SNX22: variants seen among roughly 807,000 people sequenced by gnomAD.
SNX22 encodes sorting nexin-22.
SNX22 carries 23 observed loss-of-function variants against 24.7 expected under a neutral mutation model. That is an observed-to-expected ratio of 0.93 (90% CI 0.67 to 1.32). The LOEUF (loss-of-function observed/expected upper bound fraction) is 1.32. Ranked by LOEUF, SNX22 falls within the 40% of genes most tolerant of loss-of-function variation. SNX22 has a pLI of 0.00. For synonymous variants in SNX22, 99 were observed against 104.0 expected, an observed-to-expected ratio of 0.95 and a Z score of 0.29; for missense variants, 261 against 249.9, an observed-to-expected ratio of 1.04 and a Z score of -0.30.
Position 64,154,386 on chromosome 15 carries a change from G to C in SNX22, c.461-1G>C. 1 of 1,614,156 alleles carries C rather than the reference G, an allele frequency of 6.2e-7. No homozygotes were observed. Among genetic ancestry groups the C allele is most frequent in the Non-Finnish European group, 8.5e-7 (1 of 1,180,030 alleles). On this transcript the variant is annotated splice_acceptor_variant, in intron 6 of 6. Coordinates refer to ENST00000325881, the MANE Select transcript of SNX22 (RefSeq NM_024798.3). LOFTEE classifies it high-confidence loss of function. ...CAGACCTGTTTAATTCTATCCCACA[G>C]AGTCGCTGCCCAACGTGGTGGTGAA...
chr15:64,153,161 A>G, intron 3 of SNX22, 84 bp from the exon 4 acceptor site: 1 of 1,532,522 alleles, frequency 6.5e-7, no homozygotes, highest in Non-Finnish European at 9.0e-7. Context: ...TTTTTTTGGA[A>G]CAAAGAGCCC....
chr15:64,153,150 C>CT (rs1365613373), intron 3 of SNX22, 95 bp from the exon 4 acceptor site: 13 of 1,483,106 alleles, frequency 8.8e-6, no homozygotes, highest in Middle Eastern at 1.7e-4. Context: ...TCGTGAAATT[C>CT]TTTTTTTGGA....
Position 64,156,875 on chromosome 15 carries a change from C to A in SNX22, c.*2367C>A, listed in dbSNP as rs755666526. 4 of 1,614,050 alleles carry A rather than the reference C, an allele frequency of 2.5e-6. No individual in the cohort carries two copies. The African/African-American group carries it at 5.3e-5, about 22-fold the overall frequency. On this transcript the variant is annotated 3_prime_UTR_variant, in exon 7 of 7. Transcript: ENST00000325881. The surrounding 1 kb of genome is among the most constrained non-coding windows in gnomAD (Gnocchi z 6.4). ...GCCCGTAGTGCTTCAGTTTGAAGTT[C>A]TCATCGGGGAAGCGCTCACCGTAGA...
chr15:64,153,994 C>T lies in SNX22; in HGVS notation c.452C>T (p.Pro151Leu). 4 of 1,614,088 alleles carry T rather than the reference C, an allele frequency of 2.5e-6. No individual in the cohort carries two copies. The highest frequency in any genetic ancestry group is 3.4e-6 in the Non-Finnish European group (4 of 1,180,016). The stretch of plus-strand genomic sequence containing the variant: ...CATGTGGATCCCTATGTTTGCAACC[C>T]CTCCCCAGGTGAGGAGGTGCCTAGA... ...SFHVDPYVCN[P>L]SPESLPNVVV... Residue 151 changes from proline (P) to leucine (L), a missense_variant, in exon 6 of 7, where the codon CCC becomes CTC. Physicochemically the swap from Pro to Leu is moderately conservative, Grantham distance 98 (BLOSUM62 -3). Transcript: ENST00000325881.
At position 64,157,128 on chromosome 15, in the gene SNX22, A is replaced by G; in HGVS notation, c.*2620A>G. Reference sequence around the variant, plus strand: ...GCATCAGGCCAGGCTGATGTGGTGAACAGCTCACAGAAGGATTACTTTGAG... The same window carrying G: ...GCATCAGGCCAGGCTGATGTGGTGAGCAGCTCACAGAAGGATTACTTTGAG... On this transcript the variant is annotated 3_prime_UTR_variant, in exon 7 of 7. Transcript: ENST00000325881. The surrounding 1 kb of genome is among the most constrained non-coding windows in gnomAD (Gnocchi z 4.2). 1 of 596,214 alleles carries G rather than the reference A, an allele frequency of 1.7e-6. No homozygotes were observed. The highest frequency in any genetic ancestry group is 3.0e-5 in the Admixed American group (1 of 33,772). The allele number at this position is 596,214 out of a possible 1,614,324, so 36.9% of individuals were successfully genotyped here. A position where few individuals can be genotyped will look rare whatever the true frequency, so the allele number is the denominator to read the frequency against.
chr15:64,156,670 G>A lies in SNX22; in HGVS notation c.*2162G>A, dbSNP rs527635568. 2.1e-5 allele frequency: 33 copies of A among 1,601,874 alleles called. 1 individual carries two copies. In the South Asian group the frequency reaches 3.2e-4, roughly 16 times the overall value. On this transcript the variant is annotated 3_prime_UTR_variant, in exon 7 of 7. Transcript: ENST00000325881. The surrounding 1 kb of genome is among the most constrained non-coding windows in gnomAD (Gnocchi z 6.4). The stretch of plus-strand genomic sequence containing the variant: ...ACATGGAGCTCCTGCCCTGGGGTCT[G>A]TGTTGAATCCCCGGTGAGGATTGCC...
chr15:64,156,573 G>A lies in SNX22; in HGVS notation c.*2065G>A, dbSNP rs1180005386. 4 of 971,890 alleles carry A rather than the reference G, an allele frequency of 4.1e-6. No individual in the cohort carries two copies. In the Admixed American group the frequency reaches 6.9e-5, roughly 17 times the overall value. 60.2% of individuals were successfully genotyped at this position (971,890 alleles called of 1,614,324 possible). ...AATTTAGAACCTTGGAGGCATGGAGGTACAGGGTTTATTCTGGACAGGAGC... is the reference window on the plus strand; with the variant it reads ...AATTTAGAACCTTGGAGGCATGGAGATACAGGGTTTATTCTGGACAGGAGC... On this transcript the variant is annotated 3_prime_UTR_variant, in exon 7 of 7. Transcript: ENST00000325881. The surrounding 1 kb of genome is among the most constrained non-coding windows in gnomAD (Gnocchi z 6.4).
In SNX22 at chr15:64,156,227, A is replaced by T; in HGVS notation, c.*1719A>T. ...GGAGAAAGGCCCCAGCGTATGGCTC[A>T]GGAGGGCTAAGACCCACAAGTGATC... On this transcript the variant is annotated 3_prime_UTR_variant, in exon 7 of 7. Coordinates refer to ENST00000325881, the MANE Select transcript of SNX22 (RefSeq NM_024798.3). This position sits in a 1 kb window ranked among gnomAD's most constrained non-coding sequence, Gnocchi z 6.4. The T allele has an allele frequency of 6.4e-7, 1 of 1,556,550 alleles. No homozygotes were observed. The highest frequency in any genetic ancestry group is 8.8e-7 in the Non-Finnish European group (1 of 1,138,608).
chr15:64,156,325 C>T lies in SNX22; in HGVS notation c.*1817C>T, dbSNP rs150119910. The T allele has an allele frequency of 3.0e-3, 2,491 of 838,930 alleles. 23 individuals are homozygous for T. The highest frequency in any genetic ancestry group is 2.3e-3 in the Non-Finnish European group (1,211 of 520,982). 52.0% of individuals were successfully genotyped at this position (838,930 alleles called of 1,614,324 possible). ...CAGAGCAGGGAGAATGCAGATTTGA[C>T]GAGGGGGTACAGGAATTTTGTTCCT... On this transcript the variant is annotated 3_prime_UTR_variant, in exon 7 of 7. Transcript: ENST00000325881. This position sits in a 1 kb window ranked among gnomAD's most constrained non-coding sequence, Gnocchi z 6.4.
intron 4 of SNX22, 101 bp downstream of exon 4, chr15:64,153,440 A>G: frequency 6.4e-7 from 1 of 1,570,686 alleles, no homozygotes; most frequent in South Asian, 1.1e-5. Context: ...GCCAGGATCC[A>G]GCATGACCGC....
At position 64,154,434 on chromosome 15, in the gene SNX22, A is replaced by G; in HGVS notation, c.508A>G (p.Ser170Gly). The change falls in exon 7 of 7, where the codon AGC (serine) becomes GGC (glycine). Residue 170 changes from serine (S) to glycine (G), a missense_variant. By Grantham distance (56) the Ser-to-Gly change is moderately conservative. Coordinates refer to ENST00000325881, the MANE Select transcript of SNX22 (RefSeq NM_024798.3). ...GAATGGTGTGCTCCAGGGCCTCTACAGCTTCAGCATCAGCCCAGATAAAGC... is the reference window on the plus strand; with the variant it reads ...GAATGGTGTGCTCCAGGGCCTCTACGGCTTCAGCATCAGCCCAGATAAAGC... ...VVNGVLQGLY[S>G]FSISPDKAQP... 1 of 1,614,118 alleles carries G rather than the reference A, an allele frequency of 6.2e-7. No homozygotes were observed. Among genetic ancestry groups the G allele is most frequent in the Non-Finnish European group, 8.5e-7 (1 of 1,180,006 alleles).
Position 64,152,225 on chromosome 15 carries a change from G to A in SNX22, c.76-18G>A, listed in dbSNP as rs777371790. ...GCGGGGCCTCACGCGCAGACCCGCTGCCCGCCCGCGCCGCCAGGTGTTCCG... is the reference window on the plus strand; with the variant it reads ...GCGGGGCCTCACGCGCAGACCCGCTACCCGCCCGCGCCGCCAGGTGTTCCG... On this transcript the variant is annotated intron_variant, in intron 1 of 6. Coordinates refer to ENST00000325881, the MANE Select transcript of SNX22 (RefSeq NM_024798.3). 3.6e-6 allele frequency: 5 copies of A among 1,390,606 alleles called. No homozygotes were observed. The highest frequency in any genetic ancestry group is 1.6e-5 in the South Asian group (1 of 61,426). 86.1% of individuals were successfully genotyped at this position (1,390,606 alleles called of 1,614,324 possible). A position where few individuals can be genotyped will look rare whatever the true frequency, so the allele number is the denominator to read the frequency against.
In SNX22 at chr15:64,152,976, T is replaced by C. The variant is rs1307220564; in HGVS notation, c.264+234T>C. 6.6e-6 allele frequency: 4 copies of C among 607,374 alleles called. No individual in the cohort carries two copies. In the African/African-American group the frequency reaches 7.4e-5, roughly 11 times the overall value. The allele number at this position is 607,374 out of a possible 1,614,324, so 37.6% of individuals were successfully genotyped here. A position where few individuals can be genotyped will look rare whatever the true frequency, so the allele number is the denominator to read the frequency against. On this transcript the variant is annotated intron_variant, in intron 3 of 6. Transcript: ENST00000325881. ...TCCCAGCTCCATGAAACCCAGGTCC[T>C]GTCCCCTCCATGGTGAGGTCCTGTG...
In SNX22 at chr15:64,154,475, CT is replaced by C; in HGVS notation, c.550del (p.Cys184ValfsTer33). 2.5e-6 allele frequency: 4 copies of C among 1,614,168 alleles called. No homozygotes were observed. Among genetic ancestry groups the C allele is most frequent in the Non-Finnish European group, 3.4e-6 (4 of 1,180,042 alleles). ...SPDKAQPKAA[C>X]HPAPLPPMP ...CAGATAAAGCCCAGCCAAAGGCGGC[CT>C]GTCACCCTGCTCCTCTGCCACCGAT... On this transcript the variant is annotated frameshift_variant, in exon 7 of 7. Transcript: ENST00000325881. LOFTEE classifies it high-confidence loss of function.
At position 64,156,733 on chromosome 15, in the gene SNX22, C is replaced by A; in HGVS notation, c.*2225C>A. The A allele has an allele frequency of 6.2e-7, 1 of 1,614,208 alleles. No homozygotes were observed. The highest frequency in any genetic ancestry group is 2.2e-5 in the East Asian group (1 of 44,892). On this transcript the variant is annotated 3_prime_UTR_variant, in exon 7 of 7. Coordinates refer to ENST00000325881, the MANE Select transcript of SNX22 (RefSeq NM_024798.3). This position sits in a 1 kb window ranked among gnomAD's most constrained non-coding sequence, Gnocchi z 6.4. ...TTGCTTCCACAACTCACCATGCCCT[C>A]TAGAACTTTGCCAAACACCACATGC... is the stretch of plus-strand genomic sequence containing the variant.
Position 64,157,073 on chromosome 15 carries a change from G to A in SNX22, c.*2565G>A. 1 of 741,996 alleles carries A rather than the reference G, an allele frequency of 1.3e-6. No homozygotes were observed. The highest frequency in any genetic ancestry group is 1.9e-5 in the South Asian group (1 of 53,710). The allele number at this position is 741,996 out of a possible 1,614,324, so 46.0% of individuals were successfully genotyped here. ...GTCCTTCCTATCTTCTGGCCTCAGA[G>A]CCAAGCCATGCTGACTGAGGCCAAG... On this transcript the variant is annotated 3_prime_UTR_variant, in exon 7 of 7. Transcript: ENST00000325881. This position sits in a 1 kb window ranked among gnomAD's most constrained non-coding sequence, Gnocchi z 4.2.
At chr15:64,152,067 T>C (rs1427693363) in intron 1 of SNX22, 176 bp from the exon 2 acceptor site, 2 of 771,654 alleles carry the variant, frequency 2.6e-6, no homozygotes, top group African/African-American at 1.9e-5. Context: ...GAGGGGCAGG[T>C]CCGCCAGCCG....
rs1223434399 is a variant in SNX22, at chr15:64,157,107, C to G, written c.*2599C>G. On this transcript the variant is annotated 3_prime_UTR_variant, in exon 7 of 7. Coordinates refer to ENST00000325881, the MANE Select transcript of SNX22 (RefSeq NM_024798.3). The surrounding 1 kb of genome is among the most constrained non-coding windows in gnomAD (Gnocchi z 4.2). Reference sequence around the variant, plus strand: ...TGCTGACTGAGGCCAAGTGGGGCATCAGGCCAGGCTGATGTGGTGAACAGC... The same window carrying G: ...TGCTGACTGAGGCCAAGTGGGGCATGAGGCCAGGCTGATGTGGTGAACAGC... 1.6e-6 allele frequency: 1 copy of G among 612,728 alleles called. No individual in the cohort carries two copies. The highest frequency in any genetic ancestry group is 2.9e-6 in the Non-Finnish European group (1 of 347,858). The allele number at this position is 612,728 out of a possible 1,614,324, so 38.0% of individuals were successfully genotyped here.
chr15:64,153,127 TCTG>T, intron 3 of SNX22, 115 bp from the exon 4 acceptor site: 2 of 1,284,630 alleles, frequency 1.6e-6, no homozygotes, highest in Non-Finnish European at 2.2e-6. Context: ...GGTTCAACGC[TCTG>T]CTGTCATTGT....
Sources: allele counts gnomAD v4.1 joint callset, GRCh38; gene constraint gnomAD v4.1.1; non-coding constraint Gnocchi (gnomAD v3.1); transcripts MANE v1.5; gene names NCBI Gene and HGNC (gene_info 2026-07-23, HGNC 2026-07-21).